Variants in LRP1B observed in about 807,000 individuals in gnomAD.
The protein encoded by LRP1B is low-density lipoprotein receptor-related protein 1B.
LRP1B carries 217 observed loss-of-function variants against 556.6 expected under a neutral mutation model. The ratio of observed to expected loss-of-function variants is 0.39; its 90% CI spans 0.35 to 0.44. The LOEUF (loss-of-function observed/expected upper bound fraction) is 0.44, where lower values mean the gene tolerates loss of function less well. Ranked by LOEUF, LRP1B falls within the 20% of genes least tolerant of loss-of-function variation. The pLI, the probability that LRP1B is intolerant of heterozygous loss-of-function variation, is 1.00. For missense variants in LRP1B, 5,053 were observed against 5,620.8 expected (o/e 0.90, Z 3.23); for synonymous variants, 2,047 against 1,865.8 (o/e 1.10, Z -2.50).
At chr2:141,015,649 G>T in intron 13 of LRP1B, 47 bp downstream of exon 13, 1 of 1,420,622 alleles carries the variant, frequency 7.0e-7, no homozygotes, top group Non-Finnish European at 9.8e-7. Context: ...AAGGCTCTGT[G>T]AAAAAAAGAA....
At chr2:141,905,765 A>ATGTGTGTGTGTG (rs56309590) in intron 1 of LRP1B, among the ~76,000 whole-genome samples, 1,020 of 100,272 alleles carry the variant, frequency 0.01, 19 homozygotes, top group South Asian at 0.017. Flanking sequence ...GTTTGAATAG[A>ATGTGTGTGTGTG]TGTGTGTGTG....
At chr2:140,609,251 A>C (rs558833126) in intron 41 of LRP1B, among the ~76,000 whole-genome samples, 1 of 152,270 alleles carries the variant, frequency 6.6e-6, no homozygotes, top group Admixed American at 6.5e-5. Context: ...ATGACTTGGG[A>C]TCCATCCTTT....
chr2:141,124,671 A>AG (rs1004980864), intron 7 of LRP1B, among the ~76,000 whole-genome samples: 2 of 149,328 alleles, frequency 1.3e-5, no homozygotes, highest in African/African-American at 5.1e-5. Flanking sequence ...AATGAAAAAA[A>AG]AAAAAAAAAG....
At chr2:141,907,665 G>A (rs927484108) in intron 1 of LRP1B, among the ~76,000 whole-genome samples, 4 of 151,840 alleles carry the variant, frequency 2.6e-5, no homozygotes, top group South Asian at 2.1e-4. Context: ...AAATTCAGAC[G>A]TCTTATCTAA....
intron 2 of LRP1B, among the ~76,000 whole-genome samples, chr2:141,806,271 T>A (rs1558887968): frequency 6.6e-6 from 1 of 152,072 alleles, no homozygotes. Context: ...ACACTTTCAC[T>A]ATTTATTTTC....
intron 18 of LRP1B, among the ~76,000 whole-genome samples, chr2:140,952,449 T>C (rs1695744788): frequency 6.6e-6 from 1 of 151,144 alleles, no homozygotes; most frequent in Admixed American, 6.6e-5. Context: ...ATCATTTAGG[T>C]AAGCCAGTAT....
At chr2:141,903,937 A>T (rs1699688989) in intron 1 of LRP1B, among the ~76,000 whole-genome samples, 1 of 151,900 alleles carries the variant, frequency 6.6e-6, no homozygotes, top group Admixed American at 6.6e-5. Flanking sequence ...CCACGAAAAC[A>T]TCTGGGGAAT....
At chr2:140,891,602 A>G (rs1185646798) in intron 23 of LRP1B, among the ~76,000 whole-genome samples, 1 of 152,180 alleles carries the variant, frequency 6.6e-6, no homozygotes, top group Non-Finnish European at 1.5e-5. Context: ...ATGAAGTGGT[A>G]AATGGTATAT....
At chr2:141,877,413 TG>T (rs1350409136) in intron 1 of LRP1B, among the ~76,000 whole-genome samples, 1 of 151,942 alleles carries the variant, frequency 6.6e-6, no homozygotes, top group Non-Finnish European at 1.5e-5. Flanking sequence ...ATCTGGGAAA[TG>T]GGTAAAGGTC....
intron 75 of LRP1B, among the ~76,000 whole-genome samples, chr2:140,353,986 CAGGCAGTATTCATGTGATTT>C (rs1682094248): frequency 6.6e-6 from 1 of 152,036 alleles, no homozygotes; most frequent in Non-Finnish European, 1.5e-5. Context: ...AAATAAATCA[CAGGCAGTATTCATGTGATTT>C]AATCAGAGTC....
At chr2:141,965,581 C>A (rs1187634818) in intron 1 of LRP1B, among the ~76,000 whole-genome samples, 2 of 93,804 alleles carry the variant, frequency 2.1e-5, no homozygotes, top group Non-Finnish European at 4.1e-5. Flanking sequence ...GAATATCACA[C>A]TCTGGGGACT....
intron 1 of LRP1B, among the ~76,000 whole-genome samples, chr2:141,920,286 GGGT>G (rs201537896): frequency 3.8e-4 from 51 of 133,484 alleles, no homozygotes; most frequent in East Asian, 4.7e-4. Context: ...TTTTGGGGGG[GGGT>G]GGTAGGGATA....
rs145280868 is a variant in LRP1B at position 140,929,378 on chromosome 2, T to C, written c.3137-6231A>G. 1.2e-3 allele frequency among the ~76,000 whole-genome samples: 180 copies of C among 151,900 alleles called. 1 individual carries two copies. Among genetic ancestry groups the C allele is most frequent in the African/African-American group, 3.9e-3 (162 of 41,430 alleles). Reference sequence around the variant, plus strand: ...GAGTGTTCTGGGTCAGAATTAAGAGTCAGGCAGAGGAAAAAATTAAATGGA... The same window carrying C: ...GAGTGTTCTGGGTCAGAATTAAGAGCCAGGCAGAGGAAAAAATTAAATGGA... On this transcript the variant is annotated intron_variant, in intron 20 of 90. Transcript: ENST00000389484.
chr2:141,695,111 CTCTT>C (rs1691687694), intron 2 of LRP1B, among the ~76,000 whole-genome samples: 1 of 152,014 alleles, frequency 6.6e-6, no homozygotes, highest in Admixed American at 6.6e-5. Context: ...GACTATCCCT[CTCTT>C]TCATGCCATT....
At chr2:141,607,413 G>T (rs1574133897) in intron 2 of LRP1B, among the ~76,000 whole-genome samples, 1 of 152,146 alleles carries the variant, frequency 6.6e-6, no homozygotes, top group Non-Finnish European at 1.5e-5. Context: ...TAATTAAAGA[G>T]AAGCCACTGA....
At chr2:141,907,360 C>A (rs1313969180) in intron 1 of LRP1B, among the ~76,000 whole-genome samples, 1 of 151,834 alleles carries the variant, frequency 6.6e-6, no homozygotes, top group South Asian at 2.1e-4. Flanking sequence ...ATTTAATAAC[C>A]ACTCCATTTT....
chr2:142,019,234 T>A (rs954504421), intron 1 of LRP1B, among the ~76,000 whole-genome samples: 1 of 152,206 alleles, frequency 6.6e-6, no homozygotes, highest in Non-Finnish European at 1.5e-5. Context: ...TTGTGTGGAC[T>A]ATCAGTTAGT....
chr2:140,491,729 T>C (rs1573999029), intron 57 of LRP1B, among the ~76,000 whole-genome samples: 1 of 152,138 alleles, frequency 6.6e-6, no homozygotes, highest in African/African-American at 2.4e-5. Context: ...TTCATTCTTA[T>C]ATTTTGATTA....
At chr2:140,309,169 A>G (rs968071957) in intron 83 of LRP1B, among the ~76,000 whole-genome samples, 2 of 151,856 alleles carry the variant, frequency 1.3e-5, no homozygotes, top group Admixed American at 6.6e-5. Context: ...CAAGGTGACT[A>G]TAGCTGTCAG....
Sources: gnomAD v4.1 joint callset for allele counts (sites outside exome capture counted in the v4.1 genomes callset) on GRCh38, gnomAD v4.1.1 for gene constraint, MANE v1.5 for transcripts, NCBI Gene and HGNC (gene_info 2026-07-23, HGNC 2026-07-21) for gene names.